The following ARAP2 variants were observed in gnomAD, a reference collection of about 807,000 sequenced individuals.
ARAP2 encodes arf-GAP with Rho-GAP domain, ANK repeat and PH domain-containing protein 2.
ARAP2 carries 148 observed loss-of-function variants against 194.5 expected under a neutral mutation model. That is an observed-to-expected ratio of 0.76 (90% CI 0.67 to 0.87). The LOEUF is 0.87. Among genes scored for constraint, ARAP2 ranks in the 40% least tolerant of loss-of-function variants. ARAP2 has a pLI of 0.00. For synonymous variants in ARAP2, 695 were observed against 683.5 expected, an observed-to-expected ratio of 1.02 and a Z score of -0.26; for missense variants, 2,128 against 1,989.7, an observed-to-expected ratio of 1.07 and a Z score of -1.32.
At chr4:36,027,939 C>G (rs6531407) in intron 5 of ARAP2, among the ~76,000 whole-genome samples, 121,091 of 152,102 alleles carry the variant, frequency 0.8, 49,545 homozygotes, top group Middle Eastern at 0.89. Flanking sequence ...CAGTCCTCTT[C>G]AGGAACCAAT....
intron 21 of ARAP2, 96 bp downstream of exon 21, chr4:36,128,437 C>G (rs892911972): frequency 9.9e-6 from 9 of 907,198 alleles, no homozygotes; most frequent in Non-Finnish European, 1.5e-5. Flanking sequence ...TGTTTAAAGT[C>G]TAAGTATTAA....
At chr4:36,040,085 T>C (rs1720591117) in intron 5 of ARAP2, among the ~76,000 whole-genome samples, 1 of 152,194 alleles carries the variant, frequency 6.6e-6, no homozygotes, top group South Asian at 2.1e-4. Flanking sequence ...TGATTGCCCC[T>C]GAATAAGTGA....
At chr4:36,005,668 T>G (rs1336666208) in intron 10 of ARAP2, 4 of 152,172 alleles carry the variant, frequency 2.6e-5, no homozygotes, top group African/African-American at 9.6e-5. Flanking sequence ...CAATTTTGCC[T>G]CTAAGCTGTT....
chr4:36,171,498 C>T (rs1736620095), intron 9 of ARAP2, among the ~76,000 whole-genome samples: 1 of 149,994 alleles, frequency 6.7e-6, no homozygotes, highest in African/African-American at 2.5e-5. Flanking sequence ...GGAAGGGGAA[C>T]ATCACACTCT....
rs990460374 is a variant in ARAP2, at chr4:36,084,317, T to A, written c.4426-867A>T. 9.2e-5 allele frequency among the ~76,000 whole-genome samples: 14 copies of A among 152,120 alleles called. No individual in the cohort carries two copies. In the South Asian group the frequency reaches 2.7e-3, roughly 29 times the overall value. On this transcript the variant is annotated intron_variant, in intron 28 of 32. Transcript: ENST00000303965. ...TATTTTAAAAATATAATACAATGCA[T>A]ATGCCATATGTTTTGTAACTCCCCA...
Position 36,185,083 on chromosome 4 carries a change from T to C in ARAP2, c.1678+2368A>G, listed in dbSNP as rs1740210668. 2.0e-5 allele frequency among the ~76,000 whole-genome samples: 3 copies of C among 152,138 alleles called. No individual in the cohort carries two copies. In the South Asian group the frequency reaches 6.2e-4, roughly 32 times the overall value. On this transcript the variant is annotated intron_variant, in intron 8 of 32. Transcript: ENST00000303965. ...TTTAGGCTTTACCGGCCACAGTCTG[T>C]GCCACAACTACTCAGTGATACCACT...
intron 5 of ARAP2, among the ~76,000 whole-genome samples, chr4:36,026,837 G>A (rs991632070): frequency 5.3e-5 from 8 of 152,212 alleles, no homozygotes; most frequent in African/African-American, 1.9e-4. Context: ...GTTGACTACT[G>A]CTTACACTAA....
chr4:36,151,359 G>C (rs1392730880), intron 15 of ARAP2, among the ~76,000 whole-genome samples: 1 of 152,170 alleles, frequency 6.6e-6, no homozygotes, highest in Non-Finnish European at 1.5e-5. Flanking sequence ...TGTCTGTAGA[G>C]TATTAAAAGG....
chr4:36,237,878 T>C (rs999118097), intron 1 of ARAP2, among the ~76,000 whole-genome samples: 1 of 152,170 alleles, frequency 6.6e-6, no homozygotes, highest in Non-Finnish European at 1.5e-5. Context: ...GATAAAGACA[T>C]GTTCAACTTA....
At chr4:36,233,428 A>T (rs1751888188) in intron 1 of ARAP2, among the ~76,000 whole-genome samples, 1 of 152,152 alleles carries the variant, frequency 6.6e-6, no homozygotes, top group South Asian at 2.1e-4. Context: ...TATAACTAGG[A>T]TGTGTGACAA....
chr4:36,081,243 G>C (rs989965395), intron 30 of ARAP2, among the ~76,000 whole-genome samples: 7 of 152,098 alleles, frequency 4.6e-5, no homozygotes, highest in Admixed American at 2.0e-4. Flanking sequence ...AATGATCAGA[G>C]GTGAGAGCTA....
chr4:36,230,570 AAAC>A (rs1388894944), intron 1 of ARAP2, among the ~76,000 whole-genome samples: 3 of 152,234 alleles, frequency 2.0e-5, no homozygotes, highest in African/African-American at 7.2e-5. Context: ...TTTTTCTCCA[AAAC>A]AAAATAAAAT....
chr4:36,203,759 C>T lies in ARAP2; in HGVS notation c.1487+6631G>A, dbSNP rs567281481. Among the ~76,000 whole-genome samples, 37 of 152,174 alleles carry T rather than the reference C, an allele frequency of 2.4e-4. No individual in the cohort carries two copies. In the South Asian group the frequency reaches 5.8e-3, roughly 24 times the overall value. On this transcript the variant is annotated intron_variant, in intron 6 of 32. Transcript: ENST00000303965. ...AACAAATAGCAAGGCCCATCAGAGC[C>T]TACGGTGCTTCCGATCAGTTTTGCA...
chr4:36,171,481 G>A (rs1016707284), intron 9 of ARAP2, among the ~76,000 whole-genome samples: 1 of 151,896 alleles, frequency 6.6e-6, no homozygotes, highest in Non-Finnish European at 1.5e-5. Context: ...GAGAACACAT[G>A]GACACAGGAA....
Position 36,114,231 on chromosome 4 carries a change from A to AT in ARAP2, c.4094dup (p.Asn1365LysfsTer8), listed in dbSNP as rs758387410. 1 of 1,602,914 alleles carries AT rather than the reference A, an allele frequency of 6.2e-7. No individual in the cohort carries two copies. Among genetic ancestry groups the AT allele is most frequent in the Non-Finnish European group, 8.5e-7 (1 of 1,171,382 alleles). On this transcript the variant is annotated frameshift_variant, in exon 26 of 33. Coordinates refer to ENST00000303965, the MANE Select transcript of ARAP2 (RefSeq NM_015230.4). LOFTEE classifies it high-confidence loss of function. ...AAATATCACCTTTTGTAGGAATAAT[A>AT]TTTTTTATCGCTAATATATCATTAG... is the stretch of plus-strand genomic sequence containing the variant.
intron 1 of ARAP2, among the ~76,000 whole-genome samples, chr4:36,238,394 C>T (rs773742623): frequency 5.9e-5 from 9 of 152,122 alleles, no homozygotes; most frequent in Non-Finnish European, 1.2e-4. Context: ...CTGAATGTCA[C>T]GCAATAGATA....
At chr4:36,075,520 C>T (rs1358115823) in intron 31 of ARAP2, among the ~76,000 whole-genome samples, 2 of 152,088 alleles carry the variant, frequency 1.3e-5, no homozygotes, top group African/African-American at 4.8e-5. Context: ...CCTATCTTTC[C>T]AGCTAACTAA....
chr4:36,090,995 T>C (rs1713472451), intron 28 of ARAP2, among the ~76,000 whole-genome samples: 1 of 152,150 alleles, frequency 6.6e-6, no homozygotes, highest in Non-Finnish European at 1.5e-5. Flanking sequence ...CCTGTGCACA[T>C]TTGTTTTACT....
chr4:36,076,188 G>A (rs952346004), intron 31 of ARAP2, among the ~76,000 whole-genome samples: 1 of 152,006 alleles, frequency 6.6e-6, no homozygotes, highest in Admixed American at 6.6e-5. Context: ...AAATTTAGGT[G>A]GTCAATAATT....
Sources: gnomAD v4.1 joint callset for allele counts (sites outside exome capture counted in the v4.1 genomes callset) on GRCh38, gnomAD v4.1.1 for gene constraint, MANE v1.5 for transcripts, NCBI Gene and HGNC (gene_info 2026-07-23, HGNC 2026-07-21) for gene names.